Variants in TRAPPC13 observed in about 807,000 individuals in gnomAD.
The protein encoded by TRAPPC13 is REV7-interacting novel NHEJ regulator 1.
Under a neutral mutation model 54.0 loss-of-function variants are expected in TRAPPC13, and 39 were observed. That is an observed-to-expected ratio of 0.72 (90% CI 0.56 to 0.94). The LOEUF is 0.94. TRAPPC13 is among the 40% of genes least tolerant of loss of function. TRAPPC13 has a pLI of 0.00. For missense variants in TRAPPC13, 386 were observed against 488.1 expected (o/e 0.79, Z 1.97); for synonymous variants, 148 against 167.7 (o/e 0.88, Z 0.91).
At position 65,637,699 on chromosome 5, in the gene TRAPPC13, T is replaced by C. The variant is rs1465936220; in HGVS notation, c.219T>C (p.Asn73=). The C allele has an allele frequency of 6.6e-7, 1 of 1,523,878 alleles. No homozygotes were observed. Among genetic ancestry groups the C allele is most frequent in the Non-Finnish European group, 8.9e-7 (1 of 1,118,830 alleles). The allele number at this position is 1,523,878 out of a possible 1,614,324, so 94.4% of individuals were successfully genotyped here. A position where few individuals can be genotyped will look rare whatever the true frequency, so the allele number is the denominator to read the frequency against. Residue 73 remains asparagine, a synonymous_variant, in exon 4 of 13, where the codon AAT becomes AAC. Transcript: ENST00000399438. ...EMLTLPQNFG[N]IFLGETFSSY... is the part of the protein sequence containing the mutation. The stretch of plus-strand genomic sequence containing the variant: ...AAATACTTATTTTATTTTACAGGAA[T>C]ATATTTTTGGGAGAGACCTTTTCCA...
At chr5:65,641,851 A>C (rs1755978479) in intron 4 of TRAPPC13, among the ~76,000 whole-genome samples, 1 of 151,438 alleles carries the variant, frequency 6.6e-6, no homozygotes, top group African/African-American at 2.4e-5. Flanking sequence ...AAAATGGGGA[A>C]GCTCCCTGAT....
chr5:65,645,517 T>G (rs1756157052), intron 4 of TRAPPC13, among the ~76,000 whole-genome samples: 1 of 151,920 alleles, frequency 6.6e-6, no homozygotes, highest in Non-Finnish European at 1.5e-5. Context: ...TGCAAAACTG[T>G]TTTTTAGCAG....
Position 65,662,144 on chromosome 5 carries a change from A to G in TRAPPC13, c.992A>G (p.Asn331Ser), listed in dbSNP as rs1756870881. 6.2e-7 allele frequency: 1 copy of G among 1,600,614 alleles called. No homozygotes were observed. The highest frequency in any genetic ancestry group is 1.3e-5 in the African/African-American group (1 of 74,110). The stretch of plus-strand genomic sequence containing the variant: ...TTTCATATTACCTGTAAAATAACAA[A>G]CTGCAGGTAATGCCACTGTTTGTAG... Reference protein sequence around the residue: ...EPFHITCKITNCSERTMDLVL... With the variant: ...EPFHITCKITSCSERTMDLVL... Residue 331 changes from asparagine to serine, a missense_variant, in exon 11 of 13, where the codon AAC becomes AGC. By Grantham distance (46) the Asn-to-Ser change is conservative. Coordinates refer to ENST00000399438, the MANE Select transcript of TRAPPC13 (RefSeq NM_024941.4).
At chr5:65,648,770 T>C (rs1324271801) in intron 5 of TRAPPC13, among the ~76,000 whole-genome samples, 1 of 152,188 alleles carries the variant, frequency 6.6e-6, no homozygotes, top group Non-Finnish European at 1.5e-5. Flanking sequence ...ATTAAAATAT[T>C]AATATATTTC....
At chr5:65,658,279 T>C in intron 8 of TRAPPC13, 89 bp from the exon 9 acceptor site, 2 of 1,316,090 alleles carry the variant, frequency 1.5e-6, no homozygotes, top group Non-Finnish European at 2.1e-6. Context: ...GTGGTTAATA[T>C]TTTTTCTTCA....
rs1755140031 is a variant in TRAPPC13, at chr5:65,625,054, G to A, written c.-7G>A. ...CCGTAGGCTGTGGGTCAAAAGTGCCGGTCAAAATGGAAGTGAATCCCCCTA... is the reference window on the plus strand; with the variant it reads ...CCGTAGGCTGTGGGTCAAAAGTGCCAGTCAAAATGGAAGTGAATCCCCCTA... On this transcript the variant is annotated 5_prime_UTR_variant, in exon 1 of 13. Coordinates refer to ENST00000399438, the MANE Select transcript of TRAPPC13 (RefSeq NM_024941.4). 2 of 1,613,242 alleles carry A rather than the reference G, an allele frequency of 1.2e-6. No individual in the cohort carries two copies. The highest frequency in any genetic ancestry group is 8.5e-7 in the Non-Finnish European group (1 of 1,179,394).
intron 8 of TRAPPC13, 53 bp downstream of exon 8, chr5:65,655,706 T>C: frequency 1.5e-6 from 1 of 687,862 alleles, no homozygotes. Flanking sequence ...CACCACTTTT[T>C]GACTCTGCCT....
intron 6 of TRAPPC13, among the ~76,000 whole-genome samples, chr5:65,651,704 AAT>A: frequency 7.1e-6 from 1 of 141,794 alleles, no homozygotes; most frequent in Non-Finnish European, 1.5e-5. Context: ...TATAGATCTA[AAT>A]ATGATACTGT....
Position 65,664,539 on chromosome 5 carries a change from A to G in TRAPPC13, c.1182A>G (p.Leu394=), listed in dbSNP as rs747376440. ...GCTTAAGACTAACAGACACATTCTT[A>G]AAGAGAACATATGAATATGATGACA... ...ISGLRLTDTF[L]KRTYEYDDIA... Residue 394 remains leucine, a synonymous_variant, in exon 13 of 13, where the codon TTA becomes TTG. Transcript: ENST00000399438. 9.3e-6 allele frequency: 15 copies of G among 1,611,894 alleles called. No homozygotes were observed. In the South Asian group the frequency reaches 1.7e-4, roughly 18 times the overall value.
In TRAPPC13 at chr5:65,636,006, A is replaced by G. The variant is rs1755731776; in HGVS notation, c.178A>G (p.Met60Val). 2.5e-6 allele frequency: 4 copies of G among 1,601,008 alleles called. No homozygotes were observed. The highest frequency in any genetic ancestry group is 3.4e-6 in the Non-Finnish European group (4 of 1,173,200). The change falls in exon 3 of 13, where the codon ATG (methionine) becomes GTG (valine). Residue 60 changes from methionine to valine, a missense_variant. Transcript: ENST00000399438. Reference protein sequence around the residue: ...PSTVNGAEVLMLGEMLTLPQN... With the variant: ...PSTVNGAEVLVLGEMLTLPQN... ...AACCGTTAATGGTGCAGAAGTTTTA[A>G]TGTTGGGAGAAATGCTGACTTTACC...
Position 65,637,644 on chromosome 5 carries a change from AAG to A in TRAPPC13, c.216-50_216-49del, listed in dbSNP as rs1755801236. ...AGACTCTGTCTCAAAAAAAAAAAAA[AAG>A]AAAAAAAACCTGAATGGATTTCTGC... On this transcript the variant is annotated intron_variant, in intron 3 of 12. Transcript: ENST00000399438. 1.1e-5 allele frequency: 13 copies of A among 1,174,642 alleles called. No homozygotes were observed. In the Admixed American group the frequency reaches 1.2e-4, roughly 11 times the overall value. 72.8% of individuals were successfully genotyped at this position (1,174,642 alleles called of 1,614,324 possible). A position where few individuals can be genotyped will look rare whatever the true frequency, so the allele number is the denominator to read the frequency against.
chr5:65,647,027 T>C (rs986285675), intron 4 of TRAPPC13, 28 bp from the exon 5 acceptor site: 21 of 1,066,852 alleles, frequency 2.0e-5, no homozygotes, highest in Admixed American at 6.2e-5. Flanking sequence ...CATTTGGACT[T>C]TTTTTTTTTT....
At chr5:65,642,619 G>A (rs1420030687) in intron 4 of TRAPPC13, among the ~76,000 whole-genome samples, 1 of 151,782 alleles carries the variant, frequency 6.6e-6, no homozygotes. Context: ...ATTTTCCTCT[G>A]ATTCACTGCT....
intron 6 of TRAPPC13, among the ~76,000 whole-genome samples, chr5:65,652,052 C>T (rs1405569550): frequency 1.3e-5 from 2 of 151,576 alleles, no homozygotes; most frequent in African/African-American, 4.8e-5. Flanking sequence ...TTAGTACAGA[C>T]GGGGTTTTGC....
chr5:65,630,120 G>T (rs1409610514), intron 1 of TRAPPC13: 2 of 1,535,938 alleles, frequency 1.3e-6, no homozygotes, highest in African/African-American at 2.7e-5. Context: ...ATTTGTAACA[G>T]CCAAACTCTG....
chr5:65,636,980 T>G lies in TRAPPC13; in HGVS notation c.216-716T>G, dbSNP rs75645501. Among the ~76,000 whole-genome samples, 87 of 152,258 alleles carry G rather than the reference T, an allele frequency of 5.7e-4. No individual in the cohort carries two copies. The East Asian group carries it at 0.014, about 24-fold the overall frequency. ...TATTCAAGTAACCTAGGAAATAAAATAAATTGGTAAAAATACCCCAATATC... is the reference window on the plus strand; with the variant it reads ...TATTCAAGTAACCTAGGAAATAAAAGAAATTGGTAAAAATACCCCAATATC... On this transcript the variant is annotated intron_variant, in intron 3 of 12. Coordinates refer to ENST00000399438, the MANE Select transcript of TRAPPC13 (RefSeq NM_024941.4).
chr5:65,647,795 A>G (rs1413074571), intron 5 of TRAPPC13, among the ~76,000 whole-genome samples: 2 of 152,030 alleles, frequency 1.3e-5, no homozygotes, highest in Non-Finnish European at 2.9e-5. Flanking sequence ...ATTCTCCTGA[A>G]TATCTTTCAT....
At chr5:65,659,947 G>C (rs939736397) in intron 9 of TRAPPC13, among the ~76,000 whole-genome samples, 8 of 123,384 alleles carry the variant, frequency 6.5e-5, no homozygotes, top group Admixed American at 5.9e-4. Flanking sequence ...TGGTGACAGA[G>C]AGAGACCTTG....
rs142866978 is a variant in TRAPPC13, at chr5:65,650,609, A to G, written c.429-201A>G. On this transcript the variant is annotated intron_variant, in intron 5 of 12. Coordinates refer to ENST00000399438, the MANE Select transcript of TRAPPC13 (RefSeq NM_024941.4). ...TCTGATTTTGTGCTCCAAAAATGTT[A>G]TATCTCATTTTACTAATCAGAGCTT... Among the ~76,000 whole-genome samples the G allele has an allele frequency of 2.3e-3, 352 of 152,288 alleles. 3 individuals carry two copies. The highest frequency in any genetic ancestry group is 8.2e-3 in the African/African-American group (339 of 41,566).
Sources: allele counts gnomAD v4.1 joint callset (sites outside exome capture counted in the v4.1 genomes callset), GRCh38; gene constraint gnomAD v4.1.1; transcripts MANE v1.5; gene names NCBI Gene and HGNC (gene_info 2026-07-23, HGNC 2026-07-21).